The following ABTB2 variants were observed in gnomAD, a reference collection of about 807,000 sequenced individuals.
The protein encoded by ABTB2 is ankyrin repeat and BTB/POZ domain-containing protein 2.
ABTB2 carries 56 observed loss-of-function variants against 104.1 expected under a neutral mutation model. The ratio of observed to expected loss-of-function variants is 0.54; its 90% confidence interval spans 0.43 to 0.67. ABTB2 has a LOEUF of 0.67. ABTB2 is among the 30% of genes least tolerant of loss of function. The pLI, the probability that ABTB2 is intolerant of heterozygous loss-of-function variation, is 0.00. For synonymous variants in ABTB2, 606 were observed against 608.2 expected, an observed-to-expected ratio of 1.00 and a Z score of 0.05; for missense variants, 1,279 against 1,407.7, an observed-to-expected ratio of 0.91 and a Z score of 1.46.
At chr11:34,326,940 G>A (rs1449934035) in intron 1 of ABTB2, among the ~76,000 whole-genome samples, 1 of 152,122 alleles carries the variant, frequency 6.6e-6, no homozygotes, top group African/African-American at 2.4e-5. Context: ...ATTTGGGCGT[G>A]GTGGTGGGTT....
chr11:34,255,500 T>C (rs1447645311), intron 1 of ABTB2, among the ~76,000 whole-genome samples: 1 of 151,930 alleles, frequency 6.6e-6, no homozygotes, highest in African/African-American at 2.4e-5. Flanking sequence ...AAAACTTCTT[T>C]TTTTTTTTTT....
chr11:34,229,480 CAA>C (rs56906755), intron 1 of ABTB2, among the ~76,000 whole-genome samples: 20 of 86,270 alleles, frequency 2.3e-4, no homozygotes, highest in East Asian at 3.6e-4. Context: ...GACTCCATCT[CAA>C]AAAAAAAAAA....
At chr11:34,173,518 A>G (rs1297880137) in intron 3 of ABTB2, among the ~76,000 whole-genome samples, 1 of 152,118 alleles carries the variant, frequency 6.6e-6, no homozygotes, top group Non-Finnish European at 1.5e-5. Context: ...ACACATGCTC[A>G]CAAGTGGCAA....
At chr11:34,355,201 G>C (rs1855451026) in intron 1 of ABTB2, among the ~76,000 whole-genome samples, 1 of 152,210 alleles carries the variant, frequency 6.6e-6, no homozygotes. Flanking sequence ...CATGTCAACT[G>C]TTCTCGAAAA....
At chr11:34,254,673 T>A (rs1407819356) in intron 1 of ABTB2, among the ~76,000 whole-genome samples, 1 of 139,380 alleles carries the variant, frequency 7.2e-6, no homozygotes, top group Middle Eastern at 3.5e-3. Flanking sequence ...TTAGAAACTT[T>A]TTTTTTTTTT....
intron 1 of ABTB2, among the ~76,000 whole-genome samples, chr11:34,232,449 C>CAAAAAAAAAAAA (rs67998044): frequency 1.1e-4 from 13 of 115,354 alleles, no homozygotes; most frequent in African/African-American, 1.6e-4. Flanking sequence ...GACTCTGTCT[C>CAAAAAAAAAAAA]AAAAAAAAAA....
intron 3 of ABTB2, among the ~76,000 whole-genome samples, chr11:34,188,573 C>A (rs1853132838): frequency 6.6e-6 from 1 of 152,134 alleles, no homozygotes; most frequent in African/African-American, 2.4e-5. Context: ...AATAGCTATT[C>A]TTATTTCATT....
chr11:34,229,422 A>C (rs535491799), intron 1 of ABTB2, among the ~76,000 whole-genome samples: 2 of 151,234 alleles, frequency 1.3e-5, no homozygotes, highest in South Asian at 4.2e-4. Context: ...TGGAGCTTGC[A>C]GTGAGCAGAG....
intron 1 of ABTB2, among the ~76,000 whole-genome samples, chr11:34,333,392 A>C (rs1407324711): frequency 6.6e-6 from 1 of 152,196 alleles, no homozygotes; most frequent in Non-Finnish European, 1.5e-5. Context: ...TCTATACTAA[A>C]GGAGAAACAA....
Position 34,154,789 on chromosome 11 carries a change from A to G in ABTB2, c.2698-20T>C. ...CATCATCTGTGGTGGGAAGAGGCCC[A>G]TGTGAATGCCACGTGAACCTGAGGC... On this transcript the variant is annotated intron_variant, in intron 14 of 16. Coordinates refer to ENST00000435224, the MANE Select transcript of ABTB2 (RefSeq NM_145804.3). This position sits in a 1 kb window ranked among gnomAD's most constrained non-coding sequence, Gnocchi z 4.9. The G allele has an allele frequency of 1.2e-6, 2 of 1,613,108 alleles. No individual in the cohort carries two copies. Among genetic ancestry groups the G allele is most frequent in the South Asian group, 1.1e-5 (1 of 91,026 alleles).
At chr11:34,293,731 T>TC (rs1854589066) in intron 1 of ABTB2, among the ~76,000 whole-genome samples, 1 of 152,090 alleles carries the variant, frequency 6.6e-6, no homozygotes, top group South Asian at 2.1e-4. Context: ...GGTAAATTTT[T>TC]TTTTTTTCCT....
At chr11:34,312,081 C>T (rs1854861373) in intron 1 of ABTB2, among the ~76,000 whole-genome samples, 1 of 148,534 alleles carries the variant, frequency 6.7e-6, no homozygotes, top group Non-Finnish European at 1.5e-5. Context: ...GTGGAGGTTG[C>T]AGTGGGCTGA....
intron 1 of ABTB2, among the ~76,000 whole-genome samples, chr11:34,249,420 C>T (rs1170923344): frequency 6.6e-6 from 1 of 152,210 alleles, no homozygotes; most frequent in East Asian, 1.9e-4. Flanking sequence ...AAAGCAACAG[C>T]CGTAAAGTAG....
At position 34,292,828 on chromosome 11, in the gene ABTB2, A is replaced by G. The variant is rs548369489; in HGVS notation, c.883+63873T>C. 3.3e-5 allele frequency among the ~76,000 whole-genome samples: 5 copies of G among 152,312 alleles called. No individual in the cohort carries two copies. In the East Asian group the frequency reaches 9.7e-4, roughly 29 times the overall value. ...TGTGATGGGGCCACTGGGTGAAGGT[A>G]ACAGCAGGTACAAACCCCCAGAGGG... On this transcript the variant is annotated intron_variant, in intron 1 of 16. Transcript: ENST00000435224.
At chr11:34,311,552 C>G (rs1257098715) in intron 1 of ABTB2, among the ~76,000 whole-genome samples, 2 of 152,152 alleles carry the variant, frequency 1.3e-5, no homozygotes, top group Admixed American at 1.3e-4. Context: ...AATTCTGAAG[C>G]CGCTGCTAAT....
Position 34,204,653 on chromosome 11 carries a change from G to C in ABTB2, c.921C>G (p.Asn307Lys), listed in dbSNP as rs147993026. The C allele has an allele frequency of 6.2e-7, 1 of 1,613,994 alleles. No individual in the cohort carries two copies. Among genetic ancestry groups the C allele is most frequent in the East Asian group, 2.2e-5 (1 of 44,864 alleles). The change falls in exon 2 of 17, where the codon AAC becomes AAG. Residue 307 changes from asparagine to lysine, a missense_variant. Physicochemically the swap from Asn to Lys is moderately conservative, Grantham distance 94. Coordinates refer to ENST00000435224, the MANE Select transcript of ABTB2 (RefSeq NM_145804.3). Reference sequence around the variant, plus strand: ...GCTCGTCATGGCCCAGGGACCCGCCGTTGTAGGGGCTGAAGTATGCGGGGA... The same window carrying C: ...GCTCGTCATGGCCCAGGGACCCGCCCTTGTAGGGGCTGAAGTATGCGGGGA... ...LSLPAYFSPY[N>K]GGSLGHDERA...
At chr11:34,259,160 T>C (rs1854158795) in intron 1 of ABTB2, among the ~76,000 whole-genome samples, 1 of 152,220 alleles carries the variant, frequency 6.6e-6, no homozygotes, top group African/African-American at 2.4e-5. Context: ...TTTGGTCTAA[T>C]AGCCCAGGTA....
At chr11:34,282,964 A>T (rs1252174533) in intron 1 of ABTB2, among the ~76,000 whole-genome samples, 4 of 151,284 alleles carry the variant, frequency 2.6e-5, no homozygotes, top group African/African-American at 9.7e-5. Flanking sequence ...GCTGGAGTGC[A>T]GTGGCACGAT....
At chr11:34,300,064 A>C (rs142805873) in intron 1 of ABTB2, among the ~76,000 whole-genome samples, 34 of 152,314 alleles carry the variant, frequency 2.2e-4, no homozygotes, top group Middle Eastern at 6.8e-3. Context: ...GAGGGGTGGG[A>C]ATACCTTCAA....
Sources: gnomAD v4.1 joint callset for allele counts (sites outside exome capture counted in the v4.1 genomes callset) on GRCh38, gnomAD v4.1.1 for gene constraint, Gnocchi (gnomAD v3.1) non-coding constraint, MANE v1.5 for transcripts, NCBI Gene and HGNC (gene_info 2026-07-23, HGNC 2026-07-21) for gene names.